Variants in ASAP2 observed in about 807,000 individuals in gnomAD.
The protein encoded by ASAP2 is arf-GAP with SH3 domain, ANK repeat and PH domain-containing protein 2.
A neutral mutation model predicts 131.4 loss-of-function variants in ASAP2; 45 were observed. That is an observed-to-expected ratio of 0.34 (90% CI 0.27 to 0.44). ASAP2 has a LOEUF of 0.44. Ranked by LOEUF, ASAP2 falls within the 20% of genes least tolerant of loss-of-function variation. The probability of loss-of-function intolerance (pLI) is 1.00; values close to 1 mark genes in which losing one functional copy is unlikely to be tolerated. For synonymous variants in ASAP2, 510 were observed against 503.0 expected (o/e 1.01, Z -0.19); for missense variants, 1,011 against 1,297.0 (o/e 0.78, Z 3.39).
At chr2:9,212,772 A>C (rs1303932253) in intron 1 of ASAP2, among the ~76,000 whole-genome samples, 1 of 152,062 alleles carries the variant, frequency 6.6e-6, no homozygotes, top group Non-Finnish European at 1.5e-5. Context: ...ATATTGGCTC[A>C]GCAACCACCG....
At chr2:9,374,325 C>A (rs1412256873) in intron 16 of ASAP2, among the ~76,000 whole-genome samples, 1 of 152,200 alleles carries the variant, frequency 6.6e-6, no homozygotes, top group Non-Finnish European at 1.5e-5. Flanking sequence ...GGCAGGCAGG[C>A]CTTCATGTAG....
At chr2:9,298,662 G>A (rs1668299221) in intron 3 of ASAP2, among the ~76,000 whole-genome samples, 1 of 152,184 alleles carries the variant, frequency 6.6e-6, no homozygotes, top group Admixed American at 6.5e-5. Context: ...TCGGGAAAGA[G>A]TGGAGATTTT....
Position 9,207,365 on chromosome 2 carries a change from C to A in ASAP2, c.126+135C>A. ...GCGGCCGGGCCAACCCTGCCCGAGA[C>A]AGAAGCCCTTTGTTCCCGCCTAGGT... On this transcript the variant is annotated intron_variant, in intron 1 of 27. Coordinates refer to ENST00000281419, the MANE Select transcript of ASAP2 (RefSeq NM_003887.3). The surrounding 1 kb of genome is among the most constrained non-coding windows in gnomAD (Gnocchi z 4.1). 1.6e-6 allele frequency: 2 copies of A among 1,265,370 alleles called. No individual in the cohort carries two copies. Among genetic ancestry groups the A allele is most frequent in the South Asian group, 1.6e-5 (1 of 62,674 alleles). 78.4% of individuals were successfully genotyped at this position (1,265,370 alleles called of 1,614,324 possible).
chr2:9,208,409 T>C (rs1661296053), intron 1 of ASAP2, among the ~76,000 whole-genome samples: 1 of 147,172 alleles, frequency 6.8e-6, no homozygotes, highest in Non-Finnish European at 1.5e-5. Flanking sequence ...TTTTTTTTTC[T>C]GGTTTTTTTT....
At chr2:9,314,301 T>C (rs2148473398) in intron 3 of ASAP2, among the ~76,000 whole-genome samples, 1 of 152,334 alleles carries the variant, frequency 6.6e-6, no homozygotes, top group Non-Finnish European at 1.5e-5. Context: ...TAAATTTACC[T>C]ACTGTTGCTG....
Position 9,207,019 on chromosome 2 carries a change from G to T in ASAP2, c.-86G>T. ...GGCCGGAGCGGCGGCGGCAGCGGCG[G>T]TGTCCGAGCGGCGGTCGGAGCCTGC... On this transcript the variant is annotated 5_prime_UTR_variant, in exon 1 of 28. Transcript: ENST00000281419. This position sits in a 1 kb window ranked among gnomAD's most constrained non-coding sequence, Gnocchi z 4.1. The T allele has an allele frequency of 8.9e-7, 1 of 1,126,366 alleles. No homozygotes were observed. The highest frequency in any genetic ancestry group is 4.6e-5 in the East Asian group (1 of 21,826). The allele number at this position is 1,126,366 out of a possible 1,614,324, so 69.8% of individuals were successfully genotyped here.
At chr2:9,377,136 T>G (rs1000943020) in intron 18 of ASAP2, 143 bp downstream of exon 18, 4 of 717,408 alleles carry the variant, frequency 5.6e-6, no homozygotes, top group African/African-American at 5.3e-5. Flanking sequence ...GAAAAAGGAC[T>G]GCCAGGTGTG....
rs1667150965 is a variant in ASAP2, at chr2:9,281,896, T to C, written c.199+2507T>C. On this transcript the variant is annotated intron_variant, in intron 2 of 27. Coordinates refer to ENST00000281419, the MANE Select transcript of ASAP2 (RefSeq NM_003887.3). This position sits in a 1 kb window ranked among gnomAD's most constrained non-coding sequence, Gnocchi z 4.0. The stretch of plus-strand genomic sequence containing the variant: ...GAGTTCCGAGCTCTTGTGCATTGCC[T>C]GGACTCAGGCCACCTGTCCCGACCC... Among the ~76,000 whole-genome samples, 2 of 152,212 alleles carry C rather than the reference T, an allele frequency of 1.3e-5. No individual in the cohort carries two copies. The highest frequency in any genetic ancestry group is 2.9e-5 in the Non-Finnish European group (2 of 68,034).
intron 15 of ASAP2, among the ~76,000 whole-genome samples, chr2:9,364,857 C>T (rs1218558609): frequency 1.3e-5 from 2 of 152,154 alleles, no homozygotes; most frequent in Admixed American, 6.5e-5. Context: ...AGGTGTTCTA[C>T]GTACACTGTA....
intron 2 of ASAP2, among the ~76,000 whole-genome samples, chr2:9,290,999 C>T (rs1667773610): frequency 6.6e-6 from 1 of 152,222 alleles, no homozygotes; most frequent in Non-Finnish European, 1.5e-5. Flanking sequence ...CTACATTTCA[C>T]TTTTTGCAAA....
intron 14 of ASAP2, among the ~76,000 whole-genome samples, chr2:9,356,679 A>T (rs1446416215): frequency 6.6e-6 from 1 of 152,128 alleles, no homozygotes; most frequent in Non-Finnish European, 1.5e-5. Context: ...CTGCATGTGG[A>T]TGGGCTTCCT....
intron 15 of ASAP2, among the ~76,000 whole-genome samples, chr2:9,361,638 G>T (rs1408741431): frequency 6.6e-6 from 1 of 151,398 alleles, no homozygotes; most frequent in Non-Finnish European, 1.5e-5. Flanking sequence ...CACAATCTTA[G>T]CTCACTGCAA....
At chr2:9,321,866 A>T (rs1670167709) in intron 5 of ASAP2, among the ~76,000 whole-genome samples, 1 of 152,184 alleles carries the variant, frequency 6.6e-6, no homozygotes, top group South Asian at 2.1e-4. Flanking sequence ...TTAAACTTGA[A>T]GTAATTGTAG....
intron 2 of ASAP2, among the ~76,000 whole-genome samples, chr2:9,296,382 C>T (rs987989335): frequency 6.6e-6 from 1 of 152,184 alleles, no homozygotes; most frequent in Admixed American, 6.5e-5. Context: ...ACGGTGGTGT[C>T]TAGAGTTTGG....
At chr2:9,394,834 C>G (rs1387649659) in intron 24 of ASAP2, among the ~76,000 whole-genome samples, 1 of 152,142 alleles carries the variant, frequency 6.6e-6, no homozygotes. Context: ...GTGTCTGGAG[C>G]CTTCGCTGAA....
chr2:9,248,893 G>T (rs1188517777), intron 1 of ASAP2, among the ~76,000 whole-genome samples: 1 of 152,182 alleles, frequency 6.6e-6, no homozygotes, highest in African/African-American at 2.4e-5. Context: ...GGCTGGCTCT[G>T]TGTCTACCTG....
At chr2:9,209,673 G>A (rs769645188) in intron 1 of ASAP2, among the ~76,000 whole-genome samples, 1 of 152,184 alleles carries the variant, frequency 6.6e-6, no homozygotes, top group Non-Finnish European at 1.5e-5. Context: ...AGGTTCAAGC[G>A]ATTCTCCTGC....
chr2:9,377,768 C>T (rs1163311577), intron 18 of ASAP2, among the ~76,000 whole-genome samples: 1 of 152,130 alleles, frequency 6.6e-6, no homozygotes, highest in Non-Finnish European at 1.5e-5. Flanking sequence ...GCTTTTTCCT[C>T]CCATTTCTGA....
At chr2:9,344,675 G>A (rs1406748457) in intron 10 of ASAP2, 40 bp downstream of exon 10, 11 of 1,612,288 alleles carry the variant, frequency 6.8e-6, no homozygotes, top group South Asian at 2.2e-5. Context: ...ATGTACGTTC[G>A]TTATCTTGTG....
Sources: gnomAD v4.1 joint callset for allele counts (sites outside exome capture counted in the v4.1 genomes callset) on GRCh38, gnomAD v4.1.1 for gene constraint, Gnocchi (gnomAD v3.1) non-coding constraint, MANE v1.5 for transcripts, NCBI Gene and HGNC (gene_info 2026-07-23, HGNC 2026-07-21) for gene names.